Variants in TMTC3 observed in about 807,000 individuals in gnomAD.
TMTC3 encodes the protein transmembrane O-mannosyltransferase targeting cadherins 3.
Under a neutral mutation model 92.2 loss-of-function variants are expected in TMTC3, and 52 were observed. That is an observed-to-expected ratio of 0.56 (90% CI 0.45 to 0.71). TMTC3 has a LOEUF of 0.71. Among genes scored for constraint, TMTC3 ranks in the 30% least tolerant of loss-of-function variants. The probability of loss-of-function intolerance (pLI) is 0.00; values close to 1 mark genes in which losing one functional copy is unlikely to be tolerated. For synonymous variants in TMTC3, 339 were observed against 363.3 expected (o/e 0.93, Z 0.76); for missense variants, 896 against 1,057.1 (o/e 0.85, Z 2.11).
chr12:88,186,928 A>G (rs908258055), intron 10 of TMTC3, among the ~76,000 whole-genome samples: 1 of 152,138 alleles, frequency 6.6e-6, no homozygotes, highest in Admixed American at 6.5e-5. Context: ...CATGATTTCA[A>G]TGGATAGTAA....
Position 88,153,476 on chromosome 12 carries a change from A to T in TMTC3, c.375A>T (p.Leu125Phe). 6.2e-7 allele frequency: 1 copy of T among 1,613,054 alleles called. No individual in the cohort carries two copies. The highest frequency in any genetic ancestry group is 8.5e-7 in the Non-Finnish European group (1 of 1,179,554). Residue 125 changes from leucine (L) to phenylalanine (F), a missense_variant, in exon 3 of 14, where the codon TTA becomes TTT. By Grantham distance (22) the Leu-to-Phe change is conservative. Coordinates refer to ENST00000266712, the MANE Select transcript of TMTC3 (RefSeq NM_181783.4). ...LDNKSSVIAS[L>F]LFAVHPIHTE... ...ACAAGAGTAGTGTGATTGCTTCTTTACTTTTTGCAGTGCACCCAATACACA... is the reference window on the plus strand; with the variant it reads ...ACAAGAGTAGTGTGATTGCTTCTTTTCTTTTTGCAGTGCACCCAATACACA...
chr12:88,180,238 T>G (rs1240452078), intron 10 of TMTC3, among the ~76,000 whole-genome samples: 1 of 152,194 alleles, frequency 6.6e-6, no homozygotes, highest in Non-Finnish European at 1.5e-5. Context: ...ATCAGTAATA[T>G]TCTTTTCCAA....
chr12:88,156,178 T>C (rs963748873), intron 4 of TMTC3, among the ~76,000 whole-genome samples: 8 of 152,200 alleles, frequency 5.3e-5, no homozygotes, highest in Non-Finnish European at 8.8e-5. Context: ...GTATATGTTA[T>C]TATGTTTGTT....
chr12:88,184,070 T>C (rs61941051), intron 10 of TMTC3, among the ~76,000 whole-genome samples: 19,093 of 151,850 alleles, frequency 0.13, 2,285 homozygotes, highest in African/African-American at 0.31. Flanking sequence ...GGCCGAGTGA[T>C]GGATGAAAGA....
rs2041510103 is a variant in TMTC3, at chr12:88,196,195, T to A, written c.*546T>A. 1 of 152,474 alleles carries A rather than the reference T, an allele frequency of 6.6e-6. No individual in the cohort carries two copies. Among genetic ancestry groups the A allele is most frequent in the African/African-American group, 2.4e-5 (1 of 41,446 alleles). 9.4% of individuals were successfully genotyped at this position (152,474 alleles called of 1,614,324 possible). ...AGAAGGAATGCTTGATGAAACATTT[T>A]AAAATAAGTCATGACATGTTAGCTT... On this transcript the variant is annotated 3_prime_UTR_variant, in exon 14 of 14. Coordinates refer to ENST00000266712, the MANE Select transcript of TMTC3 (RefSeq NM_181783.4).
At chr12:88,184,116 G>T (rs2041349043) in intron 10 of TMTC3, among the ~76,000 whole-genome samples, 1 of 152,098 alleles carries the variant, frequency 6.6e-6, no homozygotes, top group Admixed American at 6.5e-5. Flanking sequence ...TGACAGCGTG[G>T]CTAGGGGACC....
At chr12:88,170,027 A>C (rs2041187601) in intron 7 of TMTC3, among the ~76,000 whole-genome samples, 1 of 152,124 alleles carries the variant, frequency 6.6e-6, no homozygotes, top group Non-Finnish European at 1.5e-5. Context: ...GAAGTAAAGC[A>C]GATTTGTCTC....
chr12:88,189,023 C>A (rs2041410365), intron 11 of TMTC3, 77 bp downstream of exon 11: 6 of 773,422 alleles, frequency 7.8e-6, no homozygotes, highest in South Asian at 1.8e-5. Flanking sequence ...GAAGGAAAAT[C>A]TTTATCTTTT....
chr12:88,162,917 TTC>T (rs1216468531), intron 6 of TMTC3, among the ~76,000 whole-genome samples: 1 of 22,594 alleles, frequency 4.4e-5, no homozygotes, highest in East Asian at 5.6e-3. Context: ...TTTTTCTTTC[TTC>T]TTTTTTTTTT....
At position 88,192,697 on chromosome 12, in the gene TMTC3, G is replaced by A; in HGVS notation, c.1800G>A (p.Trp600Ter). The change falls in exon 13 of 14, where the codon TGG becomes TGA. Residue 600 changes from tryptophan to a stop codon, truncating the protein, a stop_gained. Coordinates refer to ENST00000266712, the MANE Select transcript of TMTC3 (RefSeq NM_181783.4). LOFTEE classifies it high-confidence loss of function. Reference protein sequence around the residue: ...LELDRNNADLWYNLAIVHIEL... With the variant: ...LELDRNNADL ...TGGACAGAAATAATGCAGATCTTTGGTACAACTTGGCAATTGTACATATTG... is the reference window on the plus strand; with the variant it reads ...TGGACAGAAATAATGCAGATCTTTGATACAACTTGGCAATTGTACATATTG... The A allele has an allele frequency of 6.2e-7, 1 of 1,613,410 alleles. No individual in the cohort carries two copies. Among genetic ancestry groups the A allele is most frequent in the South Asian group, 1.1e-5 (1 of 91,072 alleles).
intron 1 of TMTC3, among the ~76,000 whole-genome samples, chr12:88,144,362 T>A (rs1350232509): frequency 6.6e-6 from 1 of 152,224 alleles, no homozygotes; most frequent in African/African-American, 2.4e-5. Flanking sequence ...CTACTGCGTG[T>A]TTGTTTTCAT....
chr12:88,160,263 T>C lies in TMTC3; in HGVS notation c.624+34T>C, dbSNP rs202212619. 25 of 1,239,428 alleles carry C rather than the reference T, an allele frequency of 2.0e-5. No homozygotes were observed. The African/African-American group carries it at 2.9e-4, about 14-fold the overall frequency. The allele number at this position is 1,239,428 out of a possible 1,614,324, so 76.8% of individuals were successfully genotyped here. A position where few individuals can be genotyped will look rare whatever the true frequency, so the allele number is the denominator to read the frequency against. ...AACTATAAATATATAAATTTTCTTA[T>C]TGATATATTTTATCCTAGTTGAATC... On this transcript the variant is annotated intron_variant, in intron 5 of 13. Coordinates refer to ENST00000266712, the MANE Select transcript of TMTC3 (RefSeq NM_181783.4).
Position 88,154,885 on chromosome 12 carries a change from T to C in TMTC3, c.508+498T>C, listed in dbSNP as rs114010259. On this transcript the variant is annotated intron_variant, in intron 4 of 13. Coordinates refer to ENST00000266712, the MANE Select transcript of TMTC3 (RefSeq NM_181783.4). ...GAATACATTAGCTCATTACTCTTAA[T>C]GATTCCTGGCATTATCAGAAAACAA... is the stretch of plus-strand genomic sequence containing the variant. Among the ~76,000 whole-genome samples, 622 of 152,328 alleles carry C rather than the reference T, an allele frequency of 4.1e-3. 5 individuals are homozygous for C. The highest frequency in any genetic ancestry group is 0.014 in the African/African-American group (593 of 41,586).
In TMTC3 at chr12:88,195,260, G is replaced by T. The variant is rs764794677; in HGVS notation, c.2356G>T (p.Asp786Tyr). The stretch of plus-strand genomic sequence containing the variant: ...TTGTGTTGTTTATTTTGAAGAAAAA[G>T]ACTTATTAAAAGCTGAAAGATGCCT... The part of the protein sequence containing the change: ...NLCVVYFEEK[D>Y]LLKAERCLLE... Residue 786 changes from aspartate to tyrosine, a missense_variant, in exon 14 of 14, where the codon GAC becomes TAC. Physicochemically the swap from Asp to Tyr is radical, Grantham distance 160. Transcript: ENST00000266712. 4 of 1,613,794 alleles carry T rather than the reference G, an allele frequency of 2.5e-6. No individual in the cohort carries two copies. The highest frequency in any genetic ancestry group is 1.1e-5 in the South Asian group (1 of 91,066).
At chr12:88,187,258 T>G (rs2041388473) in intron 10 of TMTC3, among the ~76,000 whole-genome samples, 1 of 152,208 alleles carries the variant, frequency 6.6e-6, no homozygotes, top group South Asian at 2.1e-4. Flanking sequence ...TAGTGATGTT[T>G]TGATACATAT....
At chr12:88,153,117 C>T (rs1302840694) in intron 2 of TMTC3, among the ~76,000 whole-genome samples, 174 bp from the exon 3 acceptor site, 1 of 152,106 alleles carries the variant, frequency 6.6e-6, no homozygotes, top group Admixed American at 6.6e-5. Flanking sequence ...TAGAAAAACA[C>T]AGATTATAAA....
chr12:88,168,360 C>A (rs75447667), intron 7 of TMTC3, among the ~76,000 whole-genome samples: 50 of 114,764 alleles, frequency 4.4e-4, no homozygotes, highest in African/African-American at 1.3e-3. Flanking sequence ...TTGACTGTTT[C>A]AAAGGATGGG....
chr12:88,189,076 A>G, intron 11 of TMTC3, 130 bp downstream of exon 11: 1 of 592,500 alleles, frequency 1.7e-6, no homozygotes, highest in Non-Finnish European at 2.9e-6. Context: ...AAAGAATTAC[A>G]TTTTTCTAGC....
intron 7 of TMTC3, among the ~76,000 whole-genome samples, chr12:88,172,026 C>T (rs1252132016): frequency 2.0e-5 from 3 of 151,988 alleles, no homozygotes; most frequent in African/African-American, 7.2e-5. Context: ...CTACTTTGCC[C>T]ATTTTTTAAA....
Sources: allele counts gnomAD v4.1 joint callset (sites outside exome capture counted in the v4.1 genomes callset), GRCh38; gene constraint gnomAD v4.1.1; transcripts MANE v1.5; gene names NCBI Gene and HGNC (gene_info 2026-07-23, HGNC 2026-07-21).